Variants in ODAD2 observed in about 807,000 individuals in gnomAD.
The protein encoded by ODAD2 is outer dynein arm-docking complex subunit 2.
Under a neutral mutation model 106.8 loss-of-function variants are expected in ODAD2, and 89 were observed. That is an observed-to-expected ratio of 0.83 (90% CI 0.70 to 0.99). ODAD2 has a LOEUF of 0.99. ODAD2 is among the 50% of genes least tolerant of loss of function. The probability of loss-of-function intolerance (pLI) is 0.00; values close to 1 mark genes in which losing one functional copy is unlikely to be tolerated. For missense variants in ODAD2, 1,168 were observed against 1,238.5 expected, an observed-to-expected ratio of 0.94 and a Z score of 0.85; for synonymous variants, 404 against 436.2, an observed-to-expected ratio of 0.93 and a Z score of 0.92.
chr10:27,930,701 A>T (rs1293275485), intron 16 of ODAD2, among the ~76,000 whole-genome samples: 1 of 152,102 alleles, frequency 6.6e-6, no homozygotes, highest in African/African-American at 2.4e-5. Flanking sequence ...TTAAGAAACA[A>T]TATACTGTTT....
chr10:27,818,016 T>C (rs1041945265), intron 19 of ODAD2, among the ~76,000 whole-genome samples: 1 of 151,842 alleles, frequency 6.6e-6, no homozygotes, highest in Non-Finnish European at 1.5e-5. Context: ...ACATCCACCA[T>C]GGTAACCTTT....
chr10:27,909,746 A>C (rs2133873939), intron 16 of ODAD2, among the ~76,000 whole-genome samples: 1 of 131,770 alleles, frequency 7.6e-6, no homozygotes, highest in East Asian at 2.5e-4. Flanking sequence ...TGAACCCAGG[A>C]GGTGGAGGTT....
intron 17 of ODAD2, among the ~76,000 whole-genome samples, chr10:27,885,884 G>GAT (rs1229375042): frequency 2.0e-5 from 2 of 100,122 alleles, no homozygotes; most frequent in African/African-American, 4.2e-5. Context: ...TATTTGTTTG[G>GAT]ATATATATAT....
intron 14 of ODAD2, 145 bp from the exon 15 acceptor site, chr10:27,937,025 C>A: frequency 1.4e-6 from 1 of 736,326 alleles, no homozygotes; most frequent in Non-Finnish European, 2.1e-6. Flanking sequence ...AAATATAATT[C>A]ATCTTTCTAC....
chr10:27,894,858 C>T (rs1348985490), intron 17 of ODAD2, among the ~76,000 whole-genome samples: 1 of 152,084 alleles, frequency 6.6e-6, no homozygotes, highest in African/African-American at 2.4e-5. Flanking sequence ...AGCCACTTTG[C>T]CCGGCTTCAA....
chr10:27,985,114 A>G lies in ODAD2; in HGVS notation c.480T>C (p.Asp160=). 6.2e-7 allele frequency: 1 copy of G among 1,602,392 alleles called. No homozygotes were observed. Among genetic ancestry groups the G allele is most frequent in the Non-Finnish European group, 8.5e-7 (1 of 1,174,058 alleles). ...TCTTAATTTCACTTTCAGGATCATC[A>G]TCTCTGGTAATTTTGCCAAGAATAT... The part of the protein sequence containing the change: ...ALNILGKITR[D]DDPESEIKMK... The change falls in exon 4 of 20, where the codon GAT becomes GAC. Residue 160 remains aspartate, a synonymous_variant. Coordinates refer to ENST00000305242, the MANE Select transcript of ODAD2 (RefSeq NM_018076.5).
intron 7 of ODAD2, among the ~76,000 whole-genome samples, chr10:27,974,397 T>C (rs1298806452): frequency 1.3e-5 from 2 of 152,202 alleles, no homozygotes; most frequent in African/African-American, 2.4e-5. Context: ...CTTGAGTTGA[T>C]TTTTGTATAT....
At chr10:27,896,887 C>T (rs1564478086) in intron 17 of ODAD2, among the ~76,000 whole-genome samples, 1 of 152,060 alleles carries the variant, frequency 6.6e-6, no homozygotes, top group South Asian at 2.1e-4. Context: ...AATAGCTGAG[C>T]TTCTAGAAAA....
chr10:27,998,131 G>A (rs147253742), intron 1 of ODAD2, among the ~76,000 whole-genome samples: 4 of 152,268 alleles, frequency 2.6e-5, no homozygotes, highest in African/African-American at 9.6e-5. Context: ...TTCTTTAGGG[G>A]GCTACGGAAA....
At chr10:27,815,255 C>T (rs1836040260) in intron 19 of ODAD2, among the ~76,000 whole-genome samples, 1 of 152,202 alleles carries the variant, frequency 6.6e-6, no homozygotes, top group Admixed American at 6.5e-5. Context: ...CCCTGTTTCT[C>T]TTCTACTTTA....
chr10:27,979,445 T>TAC (rs35697488), intron 7 of ODAD2, among the ~76,000 whole-genome samples: 36,626 of 141,718 alleles, frequency 0.26, 4,640 homozygotes, highest in Middle Eastern at 0.33. Context: ...CACACACCCA[T>TAC]ACACACACAC....
At chr10:27,885,550 A>T (rs1842048087) in intron 17 of ODAD2, among the ~76,000 whole-genome samples, 3 of 19,314 alleles carry the variant, frequency 1.6e-4, no homozygotes, top group African/African-American at 5.5e-4. Context: ...ATATATATAA[A>T]TATATAAATA....
chr10:27,995,198 GAGAA>G lies in ODAD2; in HGVS notation c.-38-22_-38-19del. On this transcript the variant is annotated intron_variant, in intron 1 of 19. Transcript: ENST00000305242. ...CACACGCACTACATCAGAGCAGAAA[GAGAA>G]AGAGACAACAGCGTCCACCTTTTCC... 1.9e-6 allele frequency: 3 copies of G among 1,589,758 alleles called. No homozygotes were observed. Among genetic ancestry groups the G allele is most frequent in the Admixed American group, 3.6e-5 (2 of 56,282 alleles).
chr10:27,934,690 G>A (rs187600461), intron 16 of ODAD2, among the ~76,000 whole-genome samples: 51 of 152,162 alleles, frequency 3.4e-4, no homozygotes, highest in African/African-American at 1.0e-3. Flanking sequence ...CACTCTCTAG[G>A]AGCCTAGTTA....
intron 16 of ODAD2, among the ~76,000 whole-genome samples, chr10:27,923,360 C>G (rs1844929579): frequency 6.6e-6 from 1 of 151,916 alleles, no homozygotes; most frequent in Admixed American, 6.6e-5. Flanking sequence ...ATTCTGTTAC[C>G]AAACAAAGTA....
At chr10:27,919,675 T>C (rs906963103) in intron 16 of ODAD2, among the ~76,000 whole-genome samples, 3 of 152,150 alleles carry the variant, frequency 2.0e-5, no homozygotes, top group African/African-American at 7.2e-5. Context: ...TTGGCACTGG[T>C]AGGAGTGTAA....
chr10:27,984,785 T>C (rs886568325), intron 4 of ODAD2, among the ~76,000 whole-genome samples: 8 of 152,196 alleles, frequency 5.3e-5, no homozygotes, highest in African/African-American at 1.9e-4. Context: ...GTTAAATCCA[T>C]AGCAATAACT....
At chr10:27,817,449 T>C (rs967372664) in intron 19 of ODAD2, among the ~76,000 whole-genome samples, 1 of 152,200 alleles carries the variant, frequency 6.6e-6, no homozygotes, top group Non-Finnish European at 1.5e-5. Flanking sequence ...CCACCACCCA[T>C]ATAGTGAACA....
chr10:27,882,179 A>AAGAAAGAAAGAG (rs1589908212), intron 17 of ODAD2, among the ~76,000 whole-genome samples: 1 of 134,882 alleles, frequency 7.4e-6, no homozygotes, highest in East Asian at 2.0e-4. Context: ...AAAAAAAAGA[A>AAGAAAGAAAGAG]AGAAAGAAAG....
Sources: allele counts gnomAD v4.1 joint callset (sites outside exome capture counted in the v4.1 genomes callset), GRCh38; gene constraint gnomAD v4.1.1; transcripts MANE v1.5; gene names NCBI Gene and HGNC (gene_info 2026-07-23, HGNC 2026-07-21).